The following HIVEP1 variants were observed in gnomAD, a reference collection of about 807,000 sequenced individuals.
The protein encoded by HIVEP1 is zinc finger protein 40.
In HIVEP1, 36 loss-of-function variants were observed where a neutral mutation model predicts 180.0. That is an observed-to-expected ratio of 0.20 (90% confidence interval 0.15 to 0.26). The LOEUF (loss-of-function observed/expected upper bound fraction) is 0.26, where lower values mean the gene tolerates loss of function less well. Ranked by LOEUF, HIVEP1 falls within the 10% of genes least tolerant of loss-of-function variation. The pLI, the probability that HIVEP1 is intolerant of heterozygous loss-of-function variation, is 1.00. For missense variants in HIVEP1, 3,143 were observed against 3,268.7 expected, an observed-to-expected ratio of 0.96 and a Z score of 0.94; for synonymous variants, 1,239 against 1,239.0, an observed-to-expected ratio of 1.00 and a Z score of 0.00.
rs578193641 is a variant in HIVEP1, at chr6:12,147,840, G to A, written c.6487+11948G>A. The stretch of plus-strand genomic sequence containing the variant: ...GTATAATGACTAATTTGGAAATAGC[G>A]CTATCAATTTATTAAACTAGGAAGC... On this transcript the variant is annotated intron_variant, in intron 7 of 8. Transcript: ENST00000379388. 3.9e-5 allele frequency among the ~76,000 whole-genome samples: 6 copies of A among 152,222 alleles called. No homozygotes were observed. In the South Asian group the frequency reaches 6.2e-4, roughly 16 times the overall value.
At chr6:12,177,472 T>G in the HIVEP1 span, among the ~76,000 whole-genome samples, 1 of 152,198 alleles carries the variant, frequency 6.6e-6, no homozygotes, top group Non-Finnish European at 1.5e-5. Context: ...CCTAAATTTC[T>G]TCATCTATAA....
At position 12,146,532 on chromosome 6, in the gene HIVEP1, CTT is replaced by C. The variant is rs1759383827; in HGVS notation, c.6487+10642_6487+10643del. Among the ~76,000 whole-genome samples the C allele has an allele frequency of 2.0e-5, 3 of 152,186 alleles. No homozygotes were observed. The South Asian group carries it at 6.2e-4, about 32-fold the overall frequency. ...AAATGGTAACTGTGCTACTTGATAC[CTT>C]TACTTATAAATAGTGTTTATGTTAT... is the stretch of plus-strand genomic sequence containing the variant. On this transcript the variant is annotated intron_variant, in intron 7 of 8. Coordinates refer to ENST00000379388, the MANE Select transcript of HIVEP1 (RefSeq NM_002114.4).
chr6:12,205,452 C>T, the HIVEP1 span, among the ~76,000 whole-genome samples: 1 of 150,656 alleles, frequency 6.6e-6, no homozygotes, highest in Non-Finnish European at 1.5e-5. Context: ...GCCTGGGTGA[C>T]AGAGCAAGAC....
chr6:12,032,277 A>T (rs527389234), intron 2 of HIVEP1, among the ~76,000 whole-genome samples: 11 of 151,452 alleles, frequency 7.3e-5, no homozygotes, highest in Admixed American at 3.3e-4. Flanking sequence ...AGTAGCTGCG[A>T]CTACAAGAGC....
chr6:12,083,508 C>G (rs986583637), intron 2 of HIVEP1, among the ~76,000 whole-genome samples: 1 of 152,078 alleles, frequency 6.6e-6, no homozygotes, highest in Non-Finnish European at 1.5e-5. Flanking sequence ...AGCAAACAGA[C>G]TCTCAGAATA....
the HIVEP1 span, among the ~76,000 whole-genome samples, chr6:12,187,380 G>A: frequency 6.6e-6 from 1 of 152,002 alleles, no homozygotes; most frequent in Non-Finnish European, 1.5e-5. Context: ...TGGTGAGTGA[G>A]TTCTCCCTCT....
chr6:12,184,392 T>C, the HIVEP1 span, among the ~76,000 whole-genome samples: 4 of 152,222 alleles, frequency 2.6e-5, no homozygotes, highest in Admixed American at 2.6e-4. Context: ...TGTTTACCAA[T>C]TACAGTATCA....
Position 12,121,395 on chromosome 6 carries a change from A to G in HIVEP1, c.1600A>G (p.Thr534Ala). Reference sequence around the variant, plus strand: ...TGAAACTTTACTAAAATCAAGCTTCACTCCAAGCAGTCCAGAAAATGTGAT... The same window carrying G: ...TGAAACTTTACTAAAATCAAGCTTCGCTCCAAGCAGTCCAGAAAATGTGAT... ...NAETLLKSSF[T>A]PSSPENVIGD... Residue 534 changes from threonine to alanine, a missense_variant, in exon 4 of 9, where the codon ACT (threonine) becomes GCT (alanine). Physicochemically the swap from Thr to Ala is moderately conservative, Grantham distance 58. Coordinates refer to ENST00000379388, the MANE Select transcript of HIVEP1 (RefSeq NM_002114.4). The surrounding 1 kb of genome is among the most constrained non-coding windows in gnomAD (Gnocchi z 5.3). The G allele has an allele frequency of 6.2e-7, 1 of 1,613,992 alleles. No homozygotes were observed. The highest frequency in any genetic ancestry group is 8.5e-7 in the Non-Finnish European group (1 of 1,179,994).
Position 12,123,427 on chromosome 6 carries a change from G to A in HIVEP1, c.3632G>A (p.Arg1211Lys). Residue 1211 changes from arginine (R) to lysine (K), a missense_variant, in exon 4 of 9, where the codon AGA becomes AAA. Physicochemically the swap from Arg to Lys is conservative, Grantham distance 26. Around this residue, in one of 12 missense-constraint regions of HIVEP1, gnomAD observed 1,357 missense variants for 1,260.5 expected, o/e 1.08. Transcript: ENST00000379388. The stretch of plus-strand genomic sequence containing the variant: ...AGAGGAGAACTTCAGGAAAGCTCCA[G>A]AAAGAGTCCAAGTGAACGACATGTG... ...ALRGELQESS[R>K]KSPSERHVLG... 1.2e-6 allele frequency: 2 copies of A among 1,614,182 alleles called. No homozygotes were observed. Among genetic ancestry groups the A allele is most frequent in the Non-Finnish European group, 1.7e-6 (2 of 1,180,038 alleles).
intron 2 of HIVEP1, chr6:12,038,828 T>C (rs994026876): frequency 1.3e-5 from 2 of 152,190 alleles, no homozygotes; most frequent in African/African-American, 4.8e-5. Flanking sequence ...AATTAATAAA[T>C]AGAGTTTTGG....
At chr6:12,088,890 TTTGA>T (rs1304125822) in intron 2 of HIVEP1, among the ~76,000 whole-genome samples, 10 of 152,182 alleles carry the variant, frequency 6.6e-5, no homozygotes, top group African/African-American at 2.4e-4. Flanking sequence ...TTTTAGATAC[TTTGA>T]TTAGATGACT....
Position 12,068,290 on chromosome 6 carries a change from G to A in HIVEP1, c.41-20894G>A, listed in dbSNP as rs532380948. 5.1e-3 allele frequency among the ~76,000 whole-genome samples: 778 copies of A among 152,046 alleles called. 3 individuals carry two copies. Among genetic ancestry groups the A allele is most frequent in the Non-Finnish European group, 7.2e-3 (487 of 67,976 alleles). ...TTTTTAGTAGAGGCGGGGTTTCACC[G>A]TGTTGGCCAGGGTGGTCTCAAACTC... is the stretch of plus-strand genomic sequence containing the variant. On this transcript the variant is annotated intron_variant, in intron 2 of 8. Coordinates refer to ENST00000379388, the MANE Select transcript of HIVEP1 (RefSeq NM_002114.4).
chr6:12,167,770 T>TG (rs1392899619), downstream of HIVEP1, among the ~76,000 whole-genome samples: 2 of 144,022 alleles, frequency 1.4e-5, no homozygotes, highest in African/African-American at 2.5e-5. Context: ...TACATGTACA[T>TG]GTGTAGATGT....
chr6:12,050,593 A>AT (rs1561889546), intron 2 of HIVEP1, among the ~76,000 whole-genome samples: 1 of 150,188 alleles, frequency 6.7e-6, no homozygotes, highest in African/African-American at 2.5e-5. Context: ...CTCAAAAAAA[A>AT]AAAAATAAAA....
upstream of HIVEP1, among the ~76,000 whole-genome samples, chr6:12,010,993 G>C (rs544195463): frequency 6.6e-6 from 1 of 152,242 alleles, no homozygotes; most frequent in African/African-American, 2.4e-5. Flanking sequence ...AGGCTGGCAG[G>C]CAGGGGTTAA....
upstream of HIVEP1, among the ~76,000 whole-genome samples, chr6:12,011,172 C>CCGTTTTTT (rs1336908016): frequency 2.0e-5 from 3 of 152,104 alleles, no homozygotes; most frequent in African/African-American, 7.2e-5. Context: ...CCTGCCCCCT[C>CCGTTTTTT]CGTTTTTTTA....
At chr6:12,159,152 G>C (rs1188783727) in intron 7 of HIVEP1, among the ~76,000 whole-genome samples, 60 of 152,072 alleles carry the variant, frequency 3.9e-4, no homozygotes, top group Admixed American at 3.9e-3. Context: ...GCTTATTGAT[G>C]GGTTTGGAAA....
chr6:12,169,012 C>T (rs1422106802), downstream of HIVEP1, among the ~76,000 whole-genome samples: 6 of 152,148 alleles, frequency 3.9e-5, no homozygotes, highest in South Asian at 4.1e-4. Context: ...CTCAACCACC[C>T]GAATAGCTGG....
chr6:12,121,839 G>A lies in HIVEP1; in HGVS notation c.2044G>A (p.Ala682Thr). The A allele has an allele frequency of 6.2e-7, 1 of 1,614,174 alleles. No individual in the cohort carries two copies. Among genetic ancestry groups the A allele is most frequent in the Non-Finnish European group, 8.5e-7 (1 of 1,180,038 alleles). Reference sequence around the variant, plus strand: ...TGGTTACTTTTCACGTTCTGAAAGTGCCGATCAAACAGTGAGTCCACCAAC... The same window carrying A: ...TGGTTACTTTTCACGTTCTGAAAGTACCGATCAAACAGTGAGTCCACCAAC... ...DSGYFSRSESADQTVSPPTPF... is the reference protein window; with the variant it reads ...DSGYFSRSESTDQTVSPPTPF... The change falls in exon 4 of 9, where the codon GCC becomes ACC. Residue 682 changes from alanine (A) to threonine (T), a missense_variant. By Grantham distance (58) the Ala-to-Thr change is moderately conservative. Around this residue, in one of 12 missense-constraint regions of HIVEP1, gnomAD observed 365 missense variants for 344.4 expected, o/e 1.06. Transcript: ENST00000379388. This position sits in a 1 kb window ranked among gnomAD's most constrained non-coding sequence, Gnocchi z 5.3.
Sources: allele counts gnomAD v4.1 joint callset (sites outside exome capture counted in the v4.1 genomes callset), GRCh38; gene constraint gnomAD v4.1.1; regional missense constraint gnomAD v4.1.1; non-coding constraint Gnocchi (gnomAD v3.1); transcripts MANE v1.5; gene names NCBI Gene and HGNC (gene_info 2026-07-23, HGNC 2026-07-21).